Variants in CALN1 observed in about 807,000 individuals in gnomAD.
The protein encoded by CALN1 is calcium-binding protein 8.
In CALN1, 17 loss-of-function variants were observed where a neutral mutation model predicts 30.6. The ratio of observed to expected loss-of-function variants is 0.56; its 90% CI spans 0.38 to 0.83. The LOEUF is 0.83. Among genes scored for constraint, CALN1 ranks in the 40% least tolerant of loss-of-function variants. The pLI is 0.00. For missense variants in CALN1, 291 were observed against 354.9 expected (o/e 0.82, Z 1.45); for synonymous variants, 156 against 131.4 (o/e 1.19, Z -1.28).
intron 6 of CALN1, among the ~76,000 whole-genome samples, chr7:71,804,225 T>C (rs940448418): frequency 6.6e-6 from 1 of 152,158 alleles, no homozygotes; most frequent in Admixed American, 6.6e-5. Flanking sequence ...TGCTATAACA[T>C]GGGCCCGCCA....
At chr7:71,994,653 A>G (rs1799152403) in intron 5 of CALN1, among the ~76,000 whole-genome samples, 1 of 152,144 alleles carries the variant, frequency 6.6e-6, no homozygotes, top group Non-Finnish European at 1.5e-5. Flanking sequence ...CAAAAGTTTA[A>G]TAGGCGAAAG....
At chr7:72,279,340 G>A (rs910387702) in intron 2 of CALN1, among the ~76,000 whole-genome samples, 1 of 152,176 alleles carries the variant, frequency 6.6e-6, no homozygotes, top group African/African-American at 2.4e-5. Context: ...GTAAGTACAT[G>A]CAATGCTCTG....
At chr7:72,030,555 C>T (rs767774637) in intron 4 of CALN1, among the ~76,000 whole-genome samples, 1 of 152,054 alleles carries the variant, frequency 6.6e-6, no homozygotes, top group Non-Finnish European at 1.5e-5. Context: ...ATCCCTATGC[C>T]CCCACACCCT....
intron 2 of CALN1, among the ~76,000 whole-genome samples, chr7:72,375,770 C>T (rs1400235652): frequency 6.6e-6 from 1 of 152,150 alleles, no homozygotes; most frequent in African/African-American, 2.4e-5. Context: ...GCATGACTCA[C>T]TGTGCCTGGT....
intron 2 of CALN1, among the ~76,000 whole-genome samples, chr7:72,363,796 G>C (rs1480070363): frequency 3.5e-5 from 5 of 143,012 alleles, no homozygotes; most frequent in African/African-American, 1.3e-4. Flanking sequence ...GCACAATCTC[G>C]GGCTCACTGC....
At chr7:72,364,199 G>A (rs1179279610) in intron 2 of CALN1, among the ~76,000 whole-genome samples, 2 of 152,096 alleles carry the variant, frequency 1.3e-5, no homozygotes, top group Admixed American at 1.3e-4. Context: ...CTTTTGTAAA[G>A]ATGTCAGATC....
At chr7:72,485,249 T>C in the CALN1 span, among the ~76,000 whole-genome samples, 15 of 152,178 alleles carry the variant, frequency 9.9e-5, no homozygotes, top group African/African-American at 3.4e-4. Flanking sequence ...AGCAAGACTC[T>C]TAAGTATTAA....
At chr7:71,947,600 A>G (rs1163156345) in intron 5 of CALN1, among the ~76,000 whole-genome samples, 2 of 152,188 alleles carry the variant, frequency 1.3e-5, no homozygotes, top group Non-Finnish European at 2.9e-5. Flanking sequence ...AAATCTCCAC[A>G]TAAATGGGTC....
chr7:72,320,834 C>CAA (rs56192893), intron 2 of CALN1, among the ~76,000 whole-genome samples: 290 of 66,892 alleles, frequency 4.3e-3, no homozygotes, highest in Middle Eastern at 9.1e-3. Flanking sequence ...GACTCCATCT[C>CAA]AAAAAAAAAA....
intron 5 of CALN1, among the ~76,000 whole-genome samples, chr7:71,953,938 CA>C (rs372463315): frequency 1.6e-4 from 24 of 151,368 alleles, no homozygotes; most frequent in Non-Finnish European, 2.4e-4. Context: ...GCAGTGTGGA[CA>C]AAAAAAACAT....
chr7:71,876,329 T>A (rs1385034562), intron 5 of CALN1, among the ~76,000 whole-genome samples: 1 of 152,092 alleles, frequency 6.6e-6, no homozygotes, highest in African/African-American at 2.4e-5. Flanking sequence ...TTAGAGTGGG[T>A]TGTTATAAAG....
chr7:72,088,663 C>A (rs1247695818), intron 4 of CALN1, among the ~76,000 whole-genome samples: 2 of 143,892 alleles, frequency 1.4e-5, no homozygotes, highest in Non-Finnish European at 3.0e-5. Flanking sequence ...CATACCACTG[C>A]ACTCCAGCCT....
Position 72,314,362 on chromosome 7 carries a change from TATAC to T in CALN1, c.120-35556_120-35553del, listed in dbSNP as rs1001171195. On this transcript the variant is annotated intron_variant, in intron 2 of 6. Coordinates refer to ENST00000395275, the MANE Select transcript of CALN1 (RefSeq NM_031468.4). ...ACATATATATATACATATATATACA[TATAC>T]ATATATACACATATATACACATATA... 0.019 allele frequency among the ~76,000 whole-genome samples: 66 copies of T among 3,558 alleles called. No homozygotes were observed. In the East Asian group the frequency reaches 0.44, roughly 24 times the overall value. The allele number at this position is 3,558 out of a possible 152,430, so 2.3% of individuals were successfully genotyped here. A position where few individuals can be genotyped will look rare whatever the true frequency, so the allele number is the denominator to read the frequency against.
chr7:72,175,582 CA>C (rs1351676586), intron 3 of CALN1, among the ~76,000 whole-genome samples: 1 of 152,090 alleles, frequency 6.6e-6, no homozygotes, highest in African/African-American at 2.4e-5. Flanking sequence ...GGATAGAGAA[CA>C]ATTTCCTAAC....
chr7:72,062,396 C>T (rs1803714098), intron 4 of CALN1, among the ~76,000 whole-genome samples: 1 of 151,150 alleles, frequency 6.6e-6, no homozygotes. Context: ...CCTGTAGTCC[C>T]AGCTACTTGG....
intron 3 of CALN1, among the ~76,000 whole-genome samples, chr7:72,230,653 A>G (rs1475497474): frequency 6.6e-6 from 1 of 152,226 alleles, no homozygotes; most frequent in African/African-American, 2.4e-5. Flanking sequence ...CAAAGCAAGG[A>G]AACAGATTCT....
At chr7:72,079,653 TTC>T (rs746578375) in intron 4 of CALN1, among the ~76,000 whole-genome samples, 26 of 152,046 alleles carry the variant, frequency 1.7e-4, no homozygotes, top group Non-Finnish European at 3.2e-4. Context: ...TCGTAGTCGC[TTC>T]TGTTGTTTTT....
intron 2 of CALN1, among the ~76,000 whole-genome samples, chr7:72,358,296 C>A (rs968497925): frequency 6.6e-6 from 1 of 151,962 alleles, no homozygotes; most frequent in African/African-American, 2.4e-5. Context: ...CCACGCCTAG[C>A]CTTGGATCAC....
At chr7:72,232,918 C>T (rs545278525) in intron 3 of CALN1, among the ~76,000 whole-genome samples, 2 of 152,004 alleles carry the variant, frequency 1.3e-5, no homozygotes, top group South Asian at 4.1e-4. Flanking sequence ...ACAGTGACAC[C>T]TTCTTCTTCA....
Sources: allele counts gnomAD v4.1 joint callset (sites outside exome capture counted in the v4.1 genomes callset), GRCh38; gene constraint gnomAD v4.1.1; transcripts MANE v1.5; gene names NCBI Gene and HGNC (gene_info 2026-07-23, HGNC 2026-07-21).